The following PRRC2B variants were observed in gnomAD, a reference collection of about 807,000 sequenced individuals.
The protein encoded by PRRC2B is protein PRRC2B.
Under a neutral mutation model 242.3 loss-of-function variants are expected in PRRC2B, and 68 were observed. That is an observed-to-expected ratio of 0.28 (90% CI 0.23 to 0.34). The LOEUF (loss-of-function observed/expected upper bound fraction) is 0.34, where lower values mean the gene tolerates loss of function less well. Ranked by LOEUF, PRRC2B falls within the 10% of genes least tolerant of loss-of-function variation. The pLI is 1.00. For missense variants in PRRC2B, 2,835 were observed against 2,954.8 expected, an observed-to-expected ratio of 0.96 and a Z score of 0.94; for synonymous variants, 1,228 against 1,173.6, an observed-to-expected ratio of 1.05 and a Z score of -0.95.
chr9:131,425,632 C>T (rs927857894), intron 1 of PRRC2B, among the ~76,000 whole-genome samples: 7 of 151,534 alleles, frequency 4.6e-5, no homozygotes, highest in South Asian at 2.1e-4. Context: ...AGACTGCAGG[C>T]GCCTGCCACC....
intron 1 of PRRC2B, among the ~76,000 whole-genome samples, chr9:131,404,848 T>A (rs1009452324): frequency 3.3e-5 from 5 of 152,236 alleles, no homozygotes; most frequent in African/African-American, 9.6e-5. Context: ...TTTGGAATAT[T>A]ACACAATTTT....
chr9:131,375,960 A>T (rs1388601454), intron 1 of PRRC2B, among the ~76,000 whole-genome samples: 1 of 148,736 alleles, frequency 6.7e-6, no homozygotes, highest in Non-Finnish European at 1.5e-5. Flanking sequence ...GAGGCAGGAG[A>T]ATCACTTGAA....
At chr9:131,476,651 G>C in intron 16 of PRRC2B, 116 bp downstream of exon 16, 4 of 882,376 alleles carry the variant, frequency 4.5e-6, no homozygotes, top group South Asian at 1.8e-5. Context: ...CTGCCCCCAG[G>C]CCGTCTGTGC....
rs1420592531 is a variant in PRRC2B, at chr9:131,423,081, CAT to C, written c.-51-7011_-51-7010del. ...ATTGGGTTGTGTCTGCTTCATATGT[CAT>C]ACTGAGGTTCCAAGTCAGATTCTGT... On this transcript the variant is annotated intron_variant, in intron 1 of 31. Transcript: ENST00000683519. 2.0e-5 allele frequency among the ~76,000 whole-genome samples: 3 copies of C among 152,184 alleles called. No individual in the cohort carries two copies. In the East Asian group the frequency reaches 5.8e-4, roughly 29 times the overall value.
chr9:131,382,845 A>G (rs777869253), intron 1 of PRRC2B, among the ~76,000 whole-genome samples: 1 of 152,028 alleles, frequency 6.6e-6, no homozygotes. Context: ...GAGTTTCACC[A>G]TATTGGCCAG....
intron 1 of PRRC2B, among the ~76,000 whole-genome samples, chr9:131,399,410 TCTA>T (rs1194236575): frequency 6.6e-6 from 1 of 151,446 alleles, no homozygotes; most frequent in Non-Finnish European, 1.5e-5. Flanking sequence ...AAACCCCGTG[TCTA>T]CTAAAAATAC....
At chr9:131,471,066 T>G (rs1331618536) in intron 14 of PRRC2B, 83 bp downstream of exon 14, 2 of 985,530 alleles carry the variant, frequency 2.0e-6, no homozygotes, top group Non-Finnish European at 3.0e-6. Context: ...GTTAAACAGA[T>G]ACACCTGGAT....
upstream of PRRC2B, among the ~76,000 whole-genome samples, chr9:131,391,512 A>C (rs1469166826): frequency 6.6e-6 from 1 of 152,114 alleles, no homozygotes; most frequent in African/African-American, 2.4e-5. Context: ...CTTTTGCCAG[A>C]GAAGGTACCA....
At chr9:131,433,168 AG>A (rs1464946472) in intron 3 of PRRC2B, among the ~76,000 whole-genome samples, 1 of 152,312 alleles carries the variant, frequency 6.6e-6, no homozygotes, top group East Asian at 1.9e-4. Context: ...CTGGGGCTTG[AG>A]GACTTCATTC....
chr9:131,495,809 T>C lies in PRRC2B; in HGVS notation c.6625T>C (p.Ser2209Pro). 6.2e-7 allele frequency: 1 copy of C among 1,613,158 alleles called. No individual in the cohort carries two copies. The highest frequency in any genetic ancestry group is 8.5e-7 in the Non-Finnish European group (1 of 1,179,266). The part of the protein sequence containing the change: ...VKLQEAPSAA[S>P]QMKRTGAIKP... ...GCTGCAGGAGGCCCCCTCGGCTGCC[T>C]CCCAGATGAAGCGAACCGGAGCGAT... The change falls in exon 32 of 32, where the codon TCC becomes CCC. Residue 2209 changes from serine (S) to proline (P), a missense_variant. Coordinates refer to ENST00000683519, the MANE Select transcript of PRRC2B (RefSeq NM_013318.4).
At chr9:131,474,416 T>C in intron 15 of PRRC2B, 38 bp from the exon 16 acceptor site, 1 of 1,541,454 alleles carries the variant, frequency 6.5e-7, no homozygotes, top group South Asian at 1.2e-5. Flanking sequence ...GGAACCAGGC[T>C]CCAATCGCAT....
intron 1 of PRRC2B, among the ~76,000 whole-genome samples, chr9:131,395,048 G>C (rs1837008083): frequency 6.6e-6 from 1 of 151,818 alleles, no homozygotes. Context: ...CTGAAGAGTG[G>C]ATTTGCCTTA....
At chr9:131,398,149 A>T (rs148263311) in intron 1 of PRRC2B, among the ~76,000 whole-genome samples, 25 of 152,364 alleles carry the variant, frequency 1.6e-4, no homozygotes, top group African/African-American at 5.8e-4. Context: ...AAAAGGTGCC[A>T]TTCAGACTGG....
rs768201780 is a variant in PRRC2B, at chr9:131,459,160, C to G, written c.1212-4C>G. 2 of 1,613,178 alleles carry G rather than the reference C, an allele frequency of 1.2e-6. No individual in the cohort carries two copies. Among genetic ancestry groups the G allele is most frequent in the Non-Finnish European group, 8.5e-7 (1 of 1,179,318 alleles). ...AACTTAACATCAAATGTGGTTTGTC[C>G]TAGGAACAGTTGGGACCCTAGGAGG... On this transcript the variant is annotated splice_polypyrimidine_tract_variant and splice_region_variant and intron_variant, in intron 10 of 31. Coordinates refer to ENST00000683519, the MANE Select transcript of PRRC2B (RefSeq NM_013318.4).
chr9:131,480,645 C>G (rs1288361791), intron 19 of PRRC2B, among the ~76,000 whole-genome samples: 1 of 150,882 alleles, frequency 6.6e-6, no homozygotes, highest in Non-Finnish European at 1.5e-5. Flanking sequence ...AAGATGGGGT[C>G]TCACTATGTT....
intron 10 of PRRC2B, among the ~76,000 whole-genome samples, chr9:131,456,359 C>T (rs908638738): frequency 3.3e-5 from 5 of 151,730 alleles, no homozygotes; most frequent in Non-Finnish European, 5.9e-5. Flanking sequence ...TGGCCAGGCA[C>T]GGTGGCTCAC....
In PRRC2B at chr9:131,473,579, G is replaced by T. The variant is rs1302697596; in HGVS notation, c.2179G>T (p.Val727Leu). 3.1e-6 allele frequency: 5 copies of T among 1,611,388 alleles called. No individual in the cohort carries two copies. Residue 727 changes from valine to leucine, a missense_variant, in exon 15 of 32, where the codon GTG (valine) becomes TTG (leucine). Val to Leu is a conservative substitution (Grantham distance 32). Coordinates refer to ENST00000683519, the MANE Select transcript of PRRC2B (RefSeq NM_013318.4). ...CTGTCGCTCTGAGGATCAGAACTGT[G>T]TGCCCCCACTCCAAGAAAGAAAAGT... The part of the protein sequence containing the change: ...TGCRSEDQNC[V>L]PPLQERKVTP...
Position 131,427,298 on chromosome 9 carries a change from C to T in PRRC2B, c.-51-2796C>T, listed in dbSNP as rs1838002489. Among the ~76,000 whole-genome samples, 4 of 152,130 alleles carry T rather than the reference C, an allele frequency of 2.6e-5. 1 individual carries two copies. The South Asian group carries it at 8.3e-4, about 32-fold the overall frequency. On this transcript the variant is annotated intron_variant, in intron 1 of 31. Transcript: ENST00000683519. ...CCCCTGTTTGTAATCGATTTTCACT[C>T]CCTATGTTTCATTTGGATCATAATA...
intron 1 of PRRC2B, among the ~76,000 whole-genome samples, chr9:131,398,012 A>G (rs1016102892): frequency 6.6e-6 from 1 of 152,198 alleles, no homozygotes; most frequent in African/African-American, 2.4e-5. Flanking sequence ...AGCCTCAGGA[A>G]ACTTGGGTCT....
Sources: gnomAD v4.1 joint callset for allele counts (sites outside exome capture counted in the v4.1 genomes callset) on GRCh38, gnomAD v4.1.1 for gene constraint, MANE v1.5 for transcripts, NCBI Gene and HGNC (gene_info 2026-07-23, HGNC 2026-07-21) for gene names.